Variants in VPS13B observed in about 807,000 individuals in gnomAD.
The protein encoded by VPS13B is vacuolar protein sorting 13 homolog B.
VPS13B carries 285 observed loss-of-function variants against 426.4 expected under a neutral mutation model. The observed-to-expected ratio is 0.67, with a 90% CI of 0.61 to 0.74. VPS13B has a LOEUF of 0.74. Ranked by LOEUF, VPS13B falls within the 30% of genes least tolerant of loss-of-function variation. The pLI is 0.00. For missense variants in VPS13B, 4,537 were observed against 4,782.6 expected, an observed-to-expected ratio of 0.95 and a Z score of 1.51; for synonymous variants, 1,676 against 1,676.4, an observed-to-expected ratio of 1.00 and a Z score of 0.01.
chr8:99,731,117 A>C (rs1833582094), intron 39 of VPS13B, among the ~76,000 whole-genome samples: 1 of 152,190 alleles, frequency 6.6e-6, no homozygotes, highest in Non-Finnish European at 1.5e-5. Flanking sequence ...ATCTGGTTTG[A>C]CTAGCACAGG....
intron 30 of VPS13B, among the ~76,000 whole-genome samples, chr8:99,531,553 ATC>A (rs2133696264): frequency 6.6e-6 from 1 of 152,260 alleles, no homozygotes; most frequent in East Asian, 1.9e-4. Context: ...TTTGTTAAAT[ATC>A]TCTCTTCATC....
At chr8:99,811,781 C>T (rs1224806381) in intron 44 of VPS13B, among the ~76,000 whole-genome samples, 1 of 152,142 alleles carries the variant, frequency 6.6e-6, no homozygotes, top group Non-Finnish European at 1.5e-5. Flanking sequence ...GAATCAATTT[C>T]CTCATCTGTA....
intron 21 of VPS13B, among the ~76,000 whole-genome samples, chr8:99,426,068 C>G (rs896349559): frequency 7.6e-6 from 1 of 130,802 alleles, no homozygotes; most frequent in African/African-American, 2.9e-5. Flanking sequence ...CCCCCTCCCC[C>G]CACCCCACCA....
chr8:99,299,988 T>C (rs1222338915), intron 19 of VPS13B, among the ~76,000 whole-genome samples: 1 of 152,186 alleles, frequency 6.6e-6, no homozygotes, highest in East Asian at 1.9e-4. Context: ...TGTTATATGA[T>C]CATATAACTA....
At chr8:99,214,897 C>G (rs1444970011) in intron 17 of VPS13B, among the ~76,000 whole-genome samples, 1 of 152,162 alleles carries the variant, frequency 6.6e-6, no homozygotes, top group African/African-American at 2.4e-5. Flanking sequence ...CTGAGCTTCT[C>G]AAAAGAACTA....
chr8:99,633,471 T>G (rs1828932761), intron 33 of VPS13B, among the ~76,000 whole-genome samples: 1 of 152,040 alleles, frequency 6.6e-6, no homozygotes, highest in Non-Finnish European at 1.5e-5. Flanking sequence ...TCTGGTAAAA[T>G]CAGACTAGCT....
intron 34 of VPS13B, among the ~76,000 whole-genome samples, chr8:99,659,825 C>T (rs1830156508): frequency 6.6e-6 from 1 of 152,134 alleles, no homozygotes. Flanking sequence ...ATTGTATTCT[C>T]TTCAAAATGA....
intron 35 of VPS13B, among the ~76,000 whole-genome samples, chr8:99,673,083 A>T (rs1830784415): frequency 6.6e-6 from 1 of 151,928 alleles, no homozygotes; most frequent in South Asian, 2.1e-4. Context: ...TATTGGCCTG[A>T]AGTTTTCTTT....
intron 19 of VPS13B, among the ~76,000 whole-genome samples, chr8:99,375,356 T>A (rs1813424248): frequency 6.6e-6 from 1 of 152,226 alleles, no homozygotes; most frequent in South Asian, 2.1e-4. Context: ...GGAACTCTGC[T>A]CTGATGAAAG....
At chr8:99,588,048 A>T (rs2133831841) in intron 33 of VPS13B, among the ~76,000 whole-genome samples, 1 of 151,904 alleles carries the variant, frequency 6.6e-6, no homozygotes. Context: ...ATGGTTAGCC[A>T]GTTTTCCCAG....
intron 30 of VPS13B, chr8:99,536,976 A>G: frequency 2.8e-6 from 1 of 355,112 alleles, no homozygotes; most frequent in South Asian, 2.2e-5. Context: ...TATACAGAAA[A>G]GTAATTAATA....
chr8:99,052,467 A>G (rs1213517813), intron 3 of VPS13B, among the ~76,000 whole-genome samples: 6 of 107,278 alleles, frequency 5.6e-5, no homozygotes, highest in Non-Finnish European at 1.2e-4. Context: ...ATAGATGTTC[A>G]TCAGGGATAT....
At chr8:99,306,194 C>G (rs1183493113) in intron 19 of VPS13B, among the ~76,000 whole-genome samples, 8 of 151,968 alleles carry the variant, frequency 5.3e-5, no homozygotes, top group Non-Finnish European at 1.2e-4. Flanking sequence ...GATAAGAGGT[C>G]AGTGAACTAT....
chr8:99,738,763 T>G (rs978313325), intron 39 of VPS13B, among the ~76,000 whole-genome samples: 2 of 152,218 alleles, frequency 1.3e-5, no homozygotes, highest in African/African-American at 4.8e-5. Context: ...ACAATCAACA[T>G]AGACCAATAA....
chr8:99,711,979 T>G (rs548711511), intron 36 of VPS13B, among the ~76,000 whole-genome samples: 11 of 152,308 alleles, frequency 7.2e-5, no homozygotes, highest in African/African-American at 2.6e-4. Flanking sequence ...AGGCCTGGTT[T>G]TAGATACTGT....
intron 28 of VPS13B, among the ~76,000 whole-genome samples, chr8:99,508,939 A>C (rs906760451): frequency 1.3e-5 from 2 of 152,084 alleles, no homozygotes; most frequent in African/African-American, 4.8e-5. Flanking sequence ...CATGTGGCTT[A>C]CCTTTCAAGT....
At chr8:99,338,355 G>T (rs538262291) in intron 19 of VPS13B, among the ~76,000 whole-genome samples, 2 of 151,768 alleles carry the variant, frequency 1.3e-5, no homozygotes, top group East Asian at 3.9e-4. Context: ...ATTTTTTTGG[G>T]TCTTTTTCTC....
intron 30 of VPS13B, among the ~76,000 whole-genome samples, chr8:99,539,044 A>C (rs1040718339): frequency 1.3e-5 from 2 of 152,162 alleles, no homozygotes; most frequent in African/African-American, 4.8e-5. Flanking sequence ...AAAGTATTTC[A>C]CCAGTTTTAT....
intron 54 of VPS13B, among the ~76,000 whole-genome samples, chr8:99,846,377 C>T (rs1200391260): frequency 6.6e-6 from 1 of 152,214 alleles, no homozygotes; most frequent in East Asian, 1.9e-4. Context: ...GTGCCTGATG[C>T]AGTGACTAAT....
Sources: allele counts gnomAD v4.1 joint callset (sites outside exome capture counted in the v4.1 genomes callset), GRCh38; gene constraint gnomAD v4.1.1; transcripts MANE v1.5; gene names NCBI Gene and HGNC (gene_info 2026-07-23, HGNC 2026-07-21).